The following IFT74 variants were observed in gnomAD, a reference collection of about 807,000 sequenced individuals.
The protein encoded by IFT74 is intraflagellar transport protein 74 homolog.
A neutral mutation model predicts 96.7 loss-of-function variants in IFT74; 92 were observed. That is an observed-to-expected ratio of 0.95 (90% confidence interval 0.80 to 1.13). IFT74 has a LOEUF of 1.13. Ranked by LOEUF, IFT74 falls within the 50% of genes most tolerant of loss-of-function variation. The probability of loss-of-function intolerance (pLI) is 0.00; values close to 1 mark genes in which losing one functional copy is unlikely to be tolerated. For synonymous variants in IFT74, 223 were observed against 213.2 expected, an observed-to-expected ratio of 1.05 and a Z score of -0.40; for missense variants, 811 against 698.2, an observed-to-expected ratio of 1.16 and a Z score of -1.82.
intron 9 of IFT74, among the ~76,000 whole-genome samples, chr9:27,010,648 C>T (rs1032777299): frequency 1.3e-5 from 2 of 151,946 alleles, no homozygotes; most frequent in Non-Finnish European, 2.9e-5. Flanking sequence ...CGCCACCACG[C>T]CTGGCCAATT....
intron 14 of IFT74, among the ~76,000 whole-genome samples, chr9:27,046,279 G>A (rs73438229): frequency 2.0e-5 from 3 of 152,042 alleles, no homozygotes; most frequent in African/African-American, 7.2e-5. Flanking sequence ...GTTGATTGTG[G>A]TCCTCTACCA....
rs532517811 is a variant in IFT74 at position 27,064,730 on chromosome 9, T to C, written c.*1994T>C. On this transcript the variant is annotated 3_prime_UTR_variant, in exon 20 of 20. Transcript: ENST00000380062. The stretch of plus-strand genomic sequence containing the variant: ...CATTTGAAAGCAAATTTAAATGCCT[T>C]TACTTTTTCCTTAGGTTTTTTTTTA... Among the ~76,000 whole-genome samples, 16 of 152,246 alleles carry C rather than the reference T, an allele frequency of 1.1e-4. No individual in the cohort carries two copies. In the South Asian group the frequency reaches 3.1e-3, roughly 30 times the overall value.
At chr9:27,056,871 GATAGATA>G (rs1820186346) in intron 18 of IFT74, among the ~76,000 whole-genome samples, 1 of 147,676 alleles carries the variant, frequency 6.8e-6, no homozygotes, top group African/African-American at 2.5e-5. Context: ...TAGATAGATA[GATAGATA>G]GATAGATAGA....
chr9:26,974,394 G>T (rs1172050930), intron 2 of IFT74, among the ~76,000 whole-genome samples: 2 of 152,026 alleles, frequency 1.3e-5, no homozygotes, highest in Admixed American at 1.3e-4. Flanking sequence ...CGGCCCAAGG[G>T]GATCTTCCAA....
intron 16 of IFT74, among the ~76,000 whole-genome samples, chr9:27,054,307 G>T (rs1820063575): frequency 6.6e-6 from 1 of 152,114 alleles, no homozygotes; most frequent in Non-Finnish European, 1.5e-5. Context: ...TCCTCTTTGT[G>T]TGATATTCAT....
chr9:27,014,364 T>A (rs1315071779), intron 10 of IFT74, among the ~76,000 whole-genome samples: 1 of 152,212 alleles, frequency 6.6e-6, no homozygotes, highest in Non-Finnish European at 1.5e-5. Flanking sequence ...GCTTGCAGAA[T>A]TCCTCATGGT....
chr9:27,041,340 A>C (rs570059641), intron 13 of IFT74, among the ~76,000 whole-genome samples: 1 of 152,118 alleles, frequency 6.6e-6, no homozygotes, highest in Non-Finnish European at 1.5e-5. Flanking sequence ...TTGCATTATA[A>C]ATTTTTGGTT....
In IFT74 at chr9:26,978,136, T is replaced by C; in HGVS notation, c.129T>C (p.Pro43=). The change falls in exon 3 of 20, where the codon CCT becomes CCC. Residue 43 remains proline (P), a synonymous_variant. Transcript: ENST00000380062. ...GNIRVATAMP[P]GTARPGSRGC... ...TCTTGTTTGTCATTTAGATGCCACC[T>C]GGGACAGCAAGACCAGGTTCTCGTG... 2 of 1,594,804 alleles carry C rather than the reference T, an allele frequency of 1.3e-6. No individual in the cohort carries two copies. The highest frequency in any genetic ancestry group is 1.7e-6 in the Non-Finnish European group (2 of 1,175,638).
chr9:27,047,482 C>A, intron 15 of IFT74, 111 bp downstream of exon 15: 1 of 586,966 alleles, frequency 1.7e-6, no homozygotes. Context: ...CATTTAACTG[C>A]TTCCTTTCAA....
chr9:26,951,335 G>A (rs938061307), intron 1 of IFT74, among the ~76,000 whole-genome samples: 1 of 152,178 alleles, frequency 6.6e-6, no homozygotes, highest in Non-Finnish European at 1.5e-5. Flanking sequence ...AATTGTAACA[G>A]GGATGGTATT....
At position 27,018,689 on chromosome 9, in the gene IFT74, TA is replaced by T; in HGVS notation, c.974+4del. 6.6e-7 allele frequency: 1 copy of T among 1,525,786 alleles called. No homozygotes were observed. The highest frequency in any genetic ancestry group is 2.3e-5 in the East Asian group (1 of 44,010). 94.5% of individuals were successfully genotyped at this position (1,525,786 alleles called of 1,614,324 possible). On this transcript the variant is annotated splice_donor_region_variant and intron_variant, in intron 12 of 19. Coordinates refer to ENST00000380062, the MANE Select transcript of IFT74 (RefSeq NM_025103.4). ...GGAAATAGCCAGCATGGAAAGACAG[TA>T]AGTATCTTTATACTAGGACATTTTA...
At chr9:27,030,673 A>G (rs1050891861) in intron 13 of IFT74, among the ~76,000 whole-genome samples, 3 of 152,166 alleles carry the variant, frequency 2.0e-5, no homozygotes, top group African/African-American at 7.2e-5. Context: ...GAATTTGGCT[A>G]CAAGCTCTGC....
chr9:27,022,675 C>G (rs1829665915), intron 12 of IFT74, among the ~76,000 whole-genome samples: 1 of 147,974 alleles, frequency 6.8e-6, no homozygotes, highest in Non-Finnish European at 1.5e-5. Flanking sequence ...CAGCGTCTTG[C>G]TCTGTCGCCC....
intron 8 of IFT74, 113 bp from the exon 9 acceptor site, chr9:27,008,907 T>C (rs940562941): frequency 3.1e-5 from 24 of 785,676 alleles, no homozygotes; most frequent in African/African-American, 2.4e-4. Context: ...AGTCACACAC[T>C]GTGGTTGAAT....
intron 12 of IFT74, among the ~76,000 whole-genome samples, chr9:27,021,691 T>A (rs1829612014): frequency 6.6e-6 from 1 of 152,164 alleles, no homozygotes; most frequent in Non-Finnish European, 1.5e-5. Context: ...TTTTTTTTTC[T>A]TGCTGATTTG....
chr9:26,948,362 T>C (rs1215666275), intron 1 of IFT74, among the ~76,000 whole-genome samples: 1 of 150,532 alleles, frequency 6.6e-6, no homozygotes, highest in African/African-American at 2.4e-5. Context: ...CTCCAGCCAA[T>C]CCTACACATT....
intron 12 of IFT74, among the ~76,000 whole-genome samples, chr9:27,026,916 T>C (rs1829888091): frequency 6.7e-6 from 1 of 149,164 alleles, no homozygotes; most frequent in Admixed American, 6.8e-5. Flanking sequence ...CTCAAGGAAC[T>C]AGAGCAACAA....
intron 10 of IFT74, among the ~76,000 whole-genome samples, chr9:27,013,024 C>A (rs369235578): frequency 6.6e-6 from 1 of 152,048 alleles, no homozygotes; most frequent in Admixed American, 6.6e-5. Flanking sequence ...GCCAAAATGT[C>A]TGTTTTGTGT....
intron 18 of IFT74, among the ~76,000 whole-genome samples, chr9:27,056,797 AC>A: frequency 6.6e-6 from 1 of 152,078 alleles, no homozygotes; most frequent in African/African-American, 2.4e-5. Context: ...AATGATTAGT[AC>A]CCCACCACCC....
Sources: allele counts gnomAD v4.1 joint callset (sites outside exome capture counted in the v4.1 genomes callset), GRCh38; gene constraint gnomAD v4.1.1; transcripts MANE v1.5; gene names NCBI Gene and HGNC (gene_info 2026-07-23, HGNC 2026-07-21).